PTGER1: variants seen among roughly 807,000 people sequenced by gnomAD.
The protein encoded by PTGER1 is prostaglandin E receptor 1, also known as prostaglandin E2 receptor EP1 subtype.
Under a neutral mutation model 18.5 loss-of-function variants are expected in PTGER1, and 15 were observed. The observed-to-expected ratio is 0.81, with a 90% CI of 0.54 to 1.25. The LOEUF is 1.25. PTGER1 is among the 50% of genes most tolerant of loss of function. The pLI, the probability that PTGER1 is intolerant of heterozygous loss-of-function variation, is 0.00. For synonymous variants in PTGER1, 339 were observed against 308.4 expected (o/e 1.10, Z -1.04); for missense variants, 567 against 603.4 (o/e 0.94, Z 0.63).
At position 14,473,596 on chromosome 19, in the gene PTGER1, G is replaced by A. The variant is rs750203861; in HGVS notation, c.725C>T (p.Pro242Leu). 1.8e-5 allele frequency: 26 copies of A among 1,470,506 alleles called. No individual in the cohort carries two copies. The East Asian group carries it at 6.1e-4, about 35-fold the overall frequency. The allele number at this position is 1,470,506 out of a possible 1,614,324, so 91.1% of individuals were successfully genotyped here. A position where few individuals can be genotyped will look rare whatever the true frequency, so the allele number is the denominator to read the frequency against. Reference protein sequence around the residue: ...ARWRRRSRRPPPASGPDSRRR... With the variant: ...ARWRRRSRRPLPASGPDSRRR... ...CCGGCTGTCGGGGCCTGAGGCCGGGGGAGGCCGTCGGGAGCGGCGTCGCCA... is the reference window on the plus strand; with the variant it reads ...CCGGCTGTCGGGGCCTGAGGCCGGGAGAGGCCGTCGGGAGCGGCGTCGCCA... Residue 242 changes from proline (P) to leucine (L), a missense_variant, in exon 2 of 3, where the codon CCC (proline) becomes CTC (leucine). Transcript: ENST00000292513. This position sits in a 1 kb window ranked among gnomAD's most constrained non-coding sequence, Gnocchi z 7.1.
chr19:14,472,515 C>T lies in PTGER1; in HGVS notation c.*45G>A, dbSNP rs200747116. On this transcript the variant is annotated 3_prime_UTR_variant, in exon 3 of 3. Coordinates refer to ENST00000292513, the MANE Select transcript of PTGER1 (RefSeq NM_000955.3). ...AAGGCTCTGCGCCGCGCACCTGGGC[C>T]CAGCCCAGGGTGGGCTGGCTTAGTC... 15 of 1,497,822 alleles carry T rather than the reference C, an allele frequency of 1.0e-5. No individual in the cohort carries two copies. The highest frequency in any genetic ancestry group is 1.3e-5 in the Non-Finnish European group (15 of 1,131,590). The allele number at this position is 1,497,822 out of a possible 1,614,324, so 92.8% of individuals were successfully genotyped here.
rs200887614 is a variant in PTGER1, at chr19:14,472,679, G to A, written c.1090C>T (p.Arg364Cys). 3.7e-6 allele frequency: 6 copies of A among 1,611,680 alleles called. No homozygotes were observed. The highest frequency in any genetic ancestry group is 4.2e-6 in the Non-Finnish European group (5 of 1,179,114). ...GCTCCGGCCCTCGGGGGCAAGAGGC[G>A]AAGCAGTTGGCGCAGCACGGCCTGG... ...LRQAVLRQLL[R>C]LLPPRAGAKG... The change falls in exon 3 of 3, where the codon CGC (arginine) becomes TGC (cysteine). Residue 364 changes from arginine to cysteine, a missense_variant. Arg to Cys is a radical substitution (Grantham distance 180, BLOSUM62 -3). Transcript: ENST00000292513.
At position 14,473,332 on chromosome 19, in the gene PTGER1, G is replaced by A; in HGVS notation, c.942+47C>T. ...ACGACAAAGGGCGGGAGGGTGCCGA[G>A]AGGGAGCGGGAAGGAGCGTGGCTCG... On this transcript the variant is annotated intron_variant, in intron 2 of 2. Coordinates refer to ENST00000292513, the MANE Select transcript of PTGER1 (RefSeq NM_000955.3). The surrounding 1 kb of genome is among the most constrained non-coding windows in gnomAD (Gnocchi z 7.1). The A allele has an allele frequency of 6.5e-7, 1 of 1,546,598 alleles. No individual in the cohort carries two copies. The highest frequency in any genetic ancestry group is 1.4e-5 in the African/African-American group (1 of 73,016).
rs2146449393 is a variant in PTGER1 at position 14,473,319 on chromosome 19, G to A, written c.942+60C>T. On this transcript the variant is annotated intron_variant, in intron 2 of 2. Transcript: ENST00000292513. This position sits in a 1 kb window ranked among gnomAD's most constrained non-coding sequence, Gnocchi z 7.1. ...CAGGTGTCCTGGGACGACAAAGGGC[G>A]GGAGGGTGCCGAGAGGGAGCGGGAA... The A allele has an allele frequency of 6.5e-7, 1 of 1,538,740 alleles. No individual in the cohort carries two copies. The highest frequency in any genetic ancestry group is 8.7e-7 in the Non-Finnish European group (1 of 1,147,128).
rs2146449938 is a variant in PTGER1 at position 14,473,826 on chromosome 19, G to A, written c.495C>T (p.Ala165=). 4.0e-6 allele frequency: 5 copies of A among 1,256,806 alleles called. No individual in the cohort carries two copies. Among genetic ancestry groups the A allele is most frequent in the Non-Finnish European group, 4.0e-6 (4 of 1,006,288 alleles). 77.9% of individuals were successfully genotyped at this position (1,256,806 alleles called of 1,614,324 possible). ...RLALAAVAAV[A]LAVALLPLAR... Reference sequence around the variant, plus strand: ...CCAGCGGCAGCAGCGCCACGGCCAAGGCCACCGCGGCCACCGCGGCCAGCG... The same window carrying A: ...CCAGCGGCAGCAGCGCCACGGCCAAAGCCACCGCGGCCACCGCGGCCAGCG... The change falls in exon 2 of 3, where the codon GCC becomes GCT. Residue 165 remains alanine (A), a synonymous_variant. Transcript: ENST00000292513. This position sits in a 1 kb window ranked among gnomAD's most constrained non-coding sequence, Gnocchi z 7.1.
rs1232456014 is a variant in PTGER1 at position 14,474,138 on chromosome 19, C to G, written c.183G>C (p.Ala61=). The G allele has an allele frequency of 2.8e-6, 4 of 1,438,152 alleles. No homozygotes were observed. Among genetic ancestry groups the G allele is most frequent in the Admixed American group, 6.2e-5 (2 of 32,288 alleles). 89.1% of individuals were successfully genotyped at this position (1,438,152 alleles called of 1,614,324 possible). A position where few individuals can be genotyped will look rare whatever the true frequency, so the allele number is the denominator to read the frequency against. The change falls in exon 2 of 3, where the codon GCG becomes GCC. Residue 61 remains alanine, a synonymous_variant. Coordinates refer to ENST00000292513, the MANE Select transcript of PTGER1 (RefSeq NM_000955.3). The surrounding 1 kb of genome is among the most constrained non-coding windows in gnomAD (Gnocchi z 5.4). ...CCGAGCGGCGGCGTCGCAGGCGGCC[C>G]GCGGCCTGCGCCAGCAGCGCCAGCG... is the stretch of plus-strand genomic sequence containing the variant. The part of the protein sequence containing the change: ...LLALALLAQA[A]GRLRRRRSAA...
Position 14,473,864 on chromosome 19 carries a change from G to C in PTGER1, c.457C>G (p.Arg153Gly). Residue 153 changes from arginine to glycine, a missense_variant, in exon 2 of 3, where the codon CGC (arginine) becomes GGC (glycine). Transcript: ENST00000292513. The surrounding 1 kb of genome is among the most constrained non-coding windows in gnomAD (Gnocchi z 7.1). ...ACCGCGGCCAGCGCCAGGCGCGCGC[G>C]GGCGACCGAGACCCGCGCGGCGTGG... is the stretch of plus-strand genomic sequence containing the variant. Reference protein sequence around the residue: ...LLHAARVSVARARLALAAVAA... With the variant: ...LLHAARVSVAGARLALAAVAA... 8.1e-7 allele frequency: 1 copy of C among 1,227,924 alleles called. No individual in the cohort carries two copies. The highest frequency in any genetic ancestry group is 1.0e-6 in the Non-Finnish European group (1 of 990,226). 76.1% of individuals were successfully genotyped at this position (1,227,924 alleles called of 1,614,324 possible). A position where few individuals can be genotyped will look rare whatever the true frequency, so the allele number is the denominator to read the frequency against.
In PTGER1 at chr19:14,474,190, G is replaced by A. The variant is rs2071594288; in HGVS notation, c.131C>T (p.Thr44Met). The part of the protein sequence containing the change: ...ASPALPIFSM[T>M]LGAVSNLLAL... ...CAGCAGGTTGGACACGGCGCCCAGC[G>A]TCATGGAGAAGATGGGCAGCGCGGG... Residue 44 changes from threonine (T) to methionine (M), a missense_variant, in exon 2 of 3, where the codon ACG (threonine) becomes ATG (methionine). By Grantham distance (81) the Thr-to-Met change is moderately conservative. Transcript: ENST00000292513. The surrounding 1 kb of genome is among the most constrained non-coding windows in gnomAD (Gnocchi z 5.4). 2.0e-6 allele frequency: 3 copies of A among 1,520,090 alleles called. No individual in the cohort carries two copies. The highest frequency in any genetic ancestry group is 2.6e-5 in the East Asian group (1 of 38,908). The allele number at this position is 1,520,090 out of a possible 1,614,324, so 94.2% of individuals were successfully genotyped here.
chr19:14,472,840 C>G lies in PTGER1; in HGVS notation c.943-14G>C. 8 of 1,543,896 alleles carry G rather than the reference C, an allele frequency of 5.2e-6. No homozygotes were observed. The highest frequency in any genetic ancestry group is 7.0e-6 in the Non-Finnish European group (8 of 1,147,538). On this transcript the variant is annotated splice_polypyrimidine_tract_variant and intron_variant, in intron 2 of 2. Transcript: ENST00000292513. ...CGCCACCAACACCTGCGGGGGAAGC[C>G]GGTGTGAGCTATAGAGCAGGCGCGG...
chr19:14,473,898 C>T lies in PTGER1; in HGVS notation c.423G>A (p.Arg141=). 7.4e-7 allele frequency: 1 copy of T among 1,345,412 alleles called. No homozygotes were observed. The highest frequency in any genetic ancestry group is 9.5e-7 in the Non-Finnish European group (1 of 1,051,444). The allele number at this position is 1,345,412 out of a possible 1,614,324, so 83.3% of individuals were successfully genotyped here. A position where few individuals can be genotyped will look rare whatever the true frequency, so the allele number is the denominator to read the frequency against. ...AGACCCGCGCGGCGTGGAGCAGCGG[C>T]CGCGTGACGCCCACGCAGCGCTCCA... ...MAVERCVGVT[R]PLLHAARVSV... Residue 141 remains arginine, a synonymous_variant, in exon 2 of 3, where the codon CGG becomes CGA. Transcript: ENST00000292513. This position sits in a 1 kb window ranked among gnomAD's most constrained non-coding sequence, Gnocchi z 7.1.
In PTGER1 at chr19:14,474,056, C is replaced by G. The variant is rs1450731091; in HGVS notation, c.265G>C (p.Val89Leu). ...SLLATDLAGH[V>L]IPGALVLRLY... ...CGCAGCACCAGCGCGCCCGGGATCA[C>G]GTGGCCCGCCAGGTCGGTGGCCAGC... is the stretch of plus-strand genomic sequence containing the variant. The change falls in exon 2 of 3, where the codon GTG becomes CTG. Residue 89 changes from valine to leucine, a missense_variant. Coordinates refer to ENST00000292513, the MANE Select transcript of PTGER1 (RefSeq NM_000955.3). This position sits in a 1 kb window ranked among gnomAD's most constrained non-coding sequence, Gnocchi z 5.4. 1.3e-6 allele frequency: 2 copies of G among 1,496,306 alleles called. No homozygotes were observed. Among genetic ancestry groups the G allele is most frequent in the Non-Finnish European group, 8.9e-7 (1 of 1,128,252 alleles). 92.7% of individuals were successfully genotyped at this position (1,496,306 alleles called of 1,614,324 possible).
chr19:14,475,071 T>C lies in PTGER1; in HGVS notation c.-18+191A>G, dbSNP rs1033333289. On this transcript the variant is annotated intron_variant, in intron 1 of 2. Coordinates refer to ENST00000292513, the MANE Select transcript of PTGER1 (RefSeq NM_000955.3). ...GACCATCCACTCTTTGATATCCTGG[T>C]GGTGAGGGCTGAAAGGGCGGAACTG... 3.9e-5 allele frequency among the ~76,000 whole-genome samples: 6 copies of C among 152,032 alleles called. No homozygotes were observed. In the East Asian group the frequency reaches 9.6e-4, roughly 24 times the overall value.
At position 14,474,159 on chromosome 19, in the gene PTGER1, C is replaced by T. The variant is rs1379759431; in HGVS notation, c.162G>A (p.Leu54=). The T allele has an allele frequency of 7.5e-6, 11 of 1,469,814 alleles. No individual in the cohort carries two copies. The highest frequency in any genetic ancestry group is 1.5e-5 in the African/African-American group (1 of 67,122). 91.0% of individuals were successfully genotyped at this position (1,469,814 alleles called of 1,614,324 possible). The change falls in exon 2 of 3, where the codon CTG becomes CTA. Residue 54 remains leucine (L), a synonymous_variant. Coordinates refer to ENST00000292513, the MANE Select transcript of PTGER1 (RefSeq NM_000955.3). The surrounding 1 kb of genome is among the most constrained non-coding windows in gnomAD (Gnocchi z 5.4). ...TLGAVSNLLA[L]ALLAQAAGRL... is the part of the protein sequence containing the mutation. ...GGCCCGCGGCCTGCGCCAGCAGCGC[C>T]AGCGCCAGCAGGTTGGACACGGCGC...
chr19:14,472,854 G>A (rs775566794), intron 2 of PTGER1, 28 bp from the exon 3 acceptor site: 60 of 1,527,952 alleles, frequency 3.9e-5, no homozygotes, highest in Non-Finnish European at 4.7e-5. Context: ...GTGAGCTATA[G>A]AGCAGGCGCG....
At position 14,474,209 on chromosome 19, in the gene PTGER1, G is replaced by C; in HGVS notation, c.112C>G (p.Leu38Val). ...AVPPSGASPA[L>V]PIFSMTLGAV... ...CCCAGCGTCATGGAGAAGATGGGCA[G>C]CGCGGGCGAAGCGCCCGACGGCGGC... The change falls in exon 2 of 3, where the codon CTG (leucine) becomes GTG (valine). Residue 38 changes from leucine (L) to valine (V), a missense_variant. Transcript: ENST00000292513. This position sits in a 1 kb window ranked among gnomAD's most constrained non-coding sequence, Gnocchi z 5.4. The C allele has an allele frequency of 6.6e-7, 1 of 1,525,668 alleles. No homozygotes were observed. Among genetic ancestry groups the C allele is most frequent in the Non-Finnish European group, 8.8e-7 (1 of 1,142,198 alleles). The allele number at this position is 1,525,668 out of a possible 1,614,324, so 94.5% of individuals were successfully genotyped here. A position where few individuals can be genotyped will look rare whatever the true frequency, so the allele number is the denominator to read the frequency against.
Position 14,473,395 on chromosome 19 carries a change from C to A in PTGER1, c.926G>T (p.Cys309Phe). 6.3e-7 allele frequency: 1 copy of A among 1,591,918 alleles called. No individual in the cohort carries two copies. The stretch of plus-strand genomic sequence containing the variant: ...GCCCCTCACCAGCATTGGGCTCCAG[C>A]AGATGCACGACACCACCATGATACC... ...LVGIMVVSCI[C>F]WSPMLVLVAL... is the part of the protein sequence containing the mutation. The change falls in exon 2 of 3, where the codon TGC becomes TTC. Residue 309 changes from cysteine to phenylalanine, a missense_variant. Transcript: ENST00000292513. The surrounding 1 kb of genome is among the most constrained non-coding windows in gnomAD (Gnocchi z 7.1).
chr19:14,473,420 C>A lies in PTGER1; in HGVS notation c.901G>T (p.Gly301Cys). The A allele has an allele frequency of 6.3e-7, 1 of 1,599,006 alleles. No individual in the cohort carries two copies. The highest frequency in any genetic ancestry group is 2.3e-5 in the East Asian group (1 of 44,004). ...CAGATGCACGACACCACCATGATAC[C>A]GACAAGCTGGCCCACCATCTCCACG... The part of the protein sequence containing the change: ...HDVEMVGQLV[G>C]IMVVSCICWS... The change falls in exon 2 of 3, where the codon GGT becomes TGT. Residue 301 changes from glycine to cysteine, a missense_variant. Transcript: ENST00000292513. This position sits in a 1 kb window ranked among gnomAD's most constrained non-coding sequence, Gnocchi z 7.1.
Position 14,472,492 on chromosome 19 carries a change from G to A in PTGER1, c.*68C>T, listed in dbSNP as rs1182580935. The A allele has an allele frequency of 1.4e-6, 2 of 1,459,894 alleles. No homozygotes were observed. Among genetic ancestry groups the A allele is most frequent in the Non-Finnish European group, 1.8e-6 (2 of 1,112,192 alleles). 90.4% of individuals were successfully genotyped at this position (1,459,894 alleles called of 1,614,324 possible). On this transcript the variant is annotated 3_prime_UTR_variant, in exon 3 of 3. Transcript: ENST00000292513. Reference sequence around the variant, plus strand: ...CGCAGAATGGCTTTTTATTCCCAAAGGCTCTGCGCCGCGCACCTGGGCCCA... The same window carrying A: ...CGCAGAATGGCTTTTTATTCCCAAAAGCTCTGCGCCGCGCACCTGGGCCCA...
In PTGER1 at chr19:14,474,293, T is replaced by C; in HGVS notation, c.28A>G (p.Ser10Gly). The change falls in exon 2 of 3, where the codon AGC (serine) becomes GGC (glycine). Residue 10 changes from serine to glycine, a missense_variant. By Grantham distance (56) the Ser-to-Gly change is moderately conservative. Transcript: ENST00000292513. The surrounding 1 kb of genome is among the most constrained non-coding windows in gnomAD (Gnocchi z 5.4). ...CATGTGGTCGCCTCGCCCGCCAGGCTCAGGTTGAGGGGCCCGCAAGGGCTC... is the reference window on the plus strand; with the variant it reads ...CATGTGGTCGCCTCGCCCGCCAGGCCCAGGTTGAGGGGCCCGCAAGGGCTC... MSPCGPLNL[S>G]LAGEATTCAA... is the part of the protein sequence containing the mutation. 6.5e-7 allele frequency: 1 copy of C among 1,530,454 alleles called. No individual in the cohort carries two copies. The allele number at this position is 1,530,454 out of a possible 1,614,324, so 94.8% of individuals were successfully genotyped here.
Sources: allele counts gnomAD v4.1 joint callset (sites outside exome capture counted in the v4.1 genomes callset), GRCh38; gene constraint gnomAD v4.1.1; non-coding constraint Gnocchi (gnomAD v3.1); transcripts MANE v1.5; gene names NCBI Gene and HGNC (gene_info 2026-07-23, HGNC 2026-07-21).